SORT1: variants seen among roughly 807,000 people sequenced by gnomAD.
SORT1 encodes sortilin 1, also known as sortilin.
A neutral mutation model predicts 101.7 loss-of-function variants in SORT1; 39 were observed. The ratio of observed to expected loss-of-function variants is 0.38; its 90% CI spans 0.30 to 0.50. The LOEUF is 0.50. Ranked by LOEUF, SORT1 falls within the 20% of genes least tolerant of loss-of-function variation. SORT1 has a pLI of 0.90. For missense variants in SORT1, 878 were observed against 1,040.4 expected (o/e 0.84, Z 2.15); for synonymous variants, 396 against 393.7 (o/e 1.01, Z -0.07).
chr1:109,334,844 T>C (rs1648704182), intron 11 of SORT1, among the ~76,000 whole-genome samples: 1 of 152,148 alleles, frequency 6.6e-6, no homozygotes, highest in South Asian at 2.1e-4. Flanking sequence ...AAATGTATTG[T>C]CAGAAACTAG....
intron 10 of SORT1, among the ~76,000 whole-genome samples, chr1:109,337,796 T>C (rs867963925): frequency 1.7e-4 from 26 of 152,192 alleles, no homozygotes; most frequent in Middle Eastern, 3.4e-3. Context: ...TCTGGCTAAT[T>C]TGTATTTTTA....
chr1:109,336,198 T>C (rs1050772118), intron 11 of SORT1, 42 bp downstream of exon 11: 1 of 1,236,828 alleles, frequency 8.1e-7, no homozygotes, highest in African/African-American at 1.5e-5. Context: ...CAGAGCACAA[T>C]GGAAAGGCTG....
intron 3 of SORT1, 49 bp downstream of exon 3, chr1:109,367,336 GTCTAGAAAAGGGAGAATCTATAT>G (rs1159872129): frequency 4.6e-6 from 4 of 875,072 alleles, no homozygotes; most frequent in Non-Finnish European, 7.4e-6. Flanking sequence ...GTGCCATCAT[GTCTAGAAAAGGGAGAATCTATAT>G]TCTCAATGTT....
At chr1:109,392,678 C>T in intron 1 of SORT1, 1 of 984,488 alleles carries the variant, frequency 1.0e-6, no homozygotes, top group Non-Finnish European at 1.2e-6. Flanking sequence ...CAGATGAAGA[C>T]TAACCTTTCC....
chr1:109,353,510 T>A (rs1192285616), intron 5 of SORT1, among the ~76,000 whole-genome samples: 1 of 152,074 alleles, frequency 6.6e-6, no homozygotes, highest in Non-Finnish European at 1.5e-5. Flanking sequence ...TCACGGTTGA[T>A]GATCTTGTTT....
chr1:109,380,477 A>G (rs1478254114), intron 1 of SORT1, among the ~76,000 whole-genome samples: 1 of 152,190 alleles, frequency 6.6e-6, no homozygotes, highest in Non-Finnish European at 1.5e-5. Context: ...GTAACATGAC[A>G]AAGTATTAAT....
chr1:109,343,053 T>TC (rs1649332576), intron 8 of SORT1, among the ~76,000 whole-genome samples: 1 of 152,178 alleles, frequency 6.6e-6, no homozygotes, highest in East Asian at 1.9e-4. Context: ...TAGACAGCAT[T>TC]ATACCATATA....
intron 1 of SORT1, among the ~76,000 whole-genome samples, chr1:109,390,800 C>CGT (rs1241813189): frequency 7.8e-6 from 1 of 128,182 alleles, no homozygotes; most frequent in African/African-American, 3.7e-5. Context: ...TGTGTGTGTG[C>CGT]GCGCGCGCGT....
intron 1 of SORT1, chr1:109,393,023 T>C: frequency 1.0e-6 from 1 of 985,450 alleles, no homozygotes; most frequent in Non-Finnish European, 1.2e-6. Flanking sequence ...ATTAAAGGAC[T>C]GACCTTCAGA....
At chr1:109,326,464 T>TATATAC (rs1403742313) in intron 13 of SORT1, among the ~76,000 whole-genome samples, 10 of 64,122 alleles carry the variant, frequency 1.6e-4, no homozygotes, top group African/African-American at 4.2e-4. Flanking sequence ...TATATATATA[T>TATATAC]ACATACACAC....
chr1:109,357,258 G>A (rs1482775132), intron 3 of SORT1, among the ~76,000 whole-genome samples: 2 of 152,236 alleles, frequency 1.3e-5, no homozygotes, highest in Admixed American at 1.3e-4. Context: ...ACTCTGTGAT[G>A]TTTGCACAAT....
chr1:109,316,878 G>A lies in SORT1; in HGVS notation c.2222C>T (p.Thr741Ile), dbSNP rs1236668732. 2.5e-6 allele frequency: 4 copies of A among 1,611,288 alleles called. No individual in the cohort carries two copies. The highest frequency in any genetic ancestry group is 2.5e-6 in the Non-Finnish European group (3 of 1,178,652). ...TTTTTCCGGACTCAAAAAGTTGCTT[G>A]TGCATTTCTTTTTCAAGTCTTTTAC... is the stretch of plus-strand genomic sequence containing the variant. ...REVKDLKKKC[T>I]SNFLSPEKQN... The change falls in exon 17 of 20, where the codon ACA (threonine) becomes ATA (isoleucine). Residue 741 changes from threonine (T) to isoleucine (I), a missense_variant. Physicochemically the swap from Thr to Ile is moderately conservative, Grantham distance 89 (BLOSUM62 -1). Around this residue, in one of 2 missense-constraint regions of SORT1, gnomAD observed 684 missense variants for 894.5 expected, o/e 0.76. Transcript: ENST00000256637.
chr1:109,321,620 G>A (rs192083069), intron 15 of SORT1, among the ~76,000 whole-genome samples: 93 of 152,260 alleles, frequency 6.1e-4, no homozygotes, highest in African/African-American at 2.0e-3. Context: ...ACCACACTGG[G>A]TCAGACCTGC....
At position 109,314,020 on chromosome 1, in the gene SORT1, C is replaced by T; in HGVS notation, c.*23G>A. 6.2e-7 allele frequency: 1 copy of T among 1,612,836 alleles called. No homozygotes were observed. ...AGGTACTGTGGTTCCACCATCCATGCTGGGTCCAGCTCCTCTGAAGAGCTA... is the reference window on the plus strand; with the variant it reads ...AGGTACTGTGGTTCCACCATCCATGTTGGGTCCAGCTCCTCTGAAGAGCTA... On this transcript the variant is annotated 3_prime_UTR_variant, in exon 20 of 20. Transcript: ENST00000256637.
chr1:109,316,252 C>T (rs182511788), intron 17 of SORT1, among the ~76,000 whole-genome samples: 9 of 151,818 alleles, frequency 5.9e-5, no homozygotes, highest in Admixed American at 5.9e-4. Flanking sequence ...GAGTCTTGCT[C>T]TGTTGCCCAG....
intron 11 of SORT1, among the ~76,000 whole-genome samples, chr1:109,335,257 C>G (rs999042686): frequency 6.6e-6 from 1 of 152,162 alleles, no homozygotes; most frequent in African/African-American, 2.4e-5. Flanking sequence ...CCAAGAGAGC[C>G]ACAACGAGCG....
In SORT1 at chr1:109,327,109, T is replaced by A; in HGVS notation, c.1526A>T (p.Asp509Val). The A allele has an allele frequency of 6.2e-7, 1 of 1,613,708 alleles. No homozygotes were observed. The highest frequency in any genetic ancestry group is 8.5e-7 in the Non-Finnish European group (1 of 1,179,894). ...CTTTGTCCAGGAGTAACCCCCATCA[T>A]CTGAGATGTACACATCTGGAACCAT... ...SVMVPDVYIS[D>V]DGGYSWTKML... The change falls in exon 13 of 20, where the codon GAT becomes GTT. Residue 509 changes from aspartate (D) to valine (V), a missense_variant. This residue lies in a region of SORT1 where 684 missense variants were observed against 894.5 expected (regional missense o/e 0.76). Coordinates refer to ENST00000256637, the MANE Select transcript of SORT1 (RefSeq NM_002959.7).
At chr1:109,392,954 G>A (rs74113856) in intron 1 of SORT1, 471 of 985,410 alleles carry the variant, frequency 4.8e-4, no homozygotes, top group African/African-American at 4.3e-3. Context: ...TGCTAGGGAA[G>A]GTAGGATGAA....
At chr1:109,387,808 G>A (rs763675830) in intron 1 of SORT1, among the ~76,000 whole-genome samples, 7 of 152,190 alleles carry the variant, frequency 4.6e-5, no homozygotes, top group South Asian at 2.1e-4. Context: ...AAAATTAGCC[G>A]GGTGTGGTGG....
Sources: allele counts gnomAD v4.1 joint callset (sites outside exome capture counted in the v4.1 genomes callset), GRCh38; gene constraint gnomAD v4.1.1; regional missense constraint gnomAD v4.1.1; transcripts MANE v1.5; gene names NCBI Gene and HGNC (gene_info 2026-07-23, HGNC 2026-07-21).